Variants in CCSER1 observed in about 807,000 individuals in gnomAD.
The protein encoded by CCSER1 is serine-rich coiled-coil domain-containing protein 1.
Under a neutral mutation model 82.0 loss-of-function variants are expected in CCSER1, and 41 were observed. That is an observed-to-expected ratio of 0.50 (90% CI 0.39 to 0.65). The LOEUF (loss-of-function observed/expected upper bound fraction) is 0.65. CCSER1 is among the 30% of genes least tolerant of loss of function. The probability of loss-of-function intolerance (pLI) is 0.00; values close to 1 mark genes in which losing one functional copy is unlikely to be tolerated. For synonymous variants in CCSER1, 414 were observed against 383.9 expected, an observed-to-expected ratio of 1.08 and a Z score of -0.92; for missense variants, 1,119 against 1,064.2, an observed-to-expected ratio of 1.05 and a Z score of -0.72.
At chr4:91,406,110 G>A (rs147166097) in intron 10 of CCSER1, among the ~76,000 whole-genome samples, 143 of 152,218 alleles carry the variant, frequency 9.4e-4, no homozygotes, top group African/African-American at 3.3e-3. Flanking sequence ...AGAGAAATTT[G>A]TTAACTTGTA....
intron 8 of CCSER1, among the ~76,000 whole-genome samples, chr4:90,899,481 T>C (rs559565384): frequency 9.9e-5 from 15 of 152,228 alleles, no homozygotes; most frequent in South Asian, 4.1e-4. Flanking sequence ...GGACTTCCAG[T>C]ATTATGCTGT....
chr4:91,153,019 G>A (rs1020427258), intron 10 of CCSER1, among the ~76,000 whole-genome samples: 7 of 151,778 alleles, frequency 4.6e-5, no homozygotes, highest in Non-Finnish European at 1.0e-4. Flanking sequence ...GAGTATCTTT[G>A]TGGCGTTCTC....
chr4:91,282,973 C>G (rs538326103), intron 10 of CCSER1, among the ~76,000 whole-genome samples: 28 of 152,042 alleles, frequency 1.8e-4, no homozygotes, highest in Middle Eastern at 3.4e-3. Flanking sequence ...AAGAGCTTTA[C>G]AGAGTAAATG....
chr4:91,011,054 G>C (rs1211654159), intron 9 of CCSER1, among the ~76,000 whole-genome samples: 1 of 134,316 alleles, frequency 7.4e-6, no homozygotes, highest in Non-Finnish European at 1.7e-5. Context: ...AAATTTTACT[G>C]AGTGGCTTTT....
chr4:91,355,701 C>T (rs1748779996), intron 10 of CCSER1, among the ~76,000 whole-genome samples: 1 of 152,188 alleles, frequency 6.6e-6, no homozygotes, highest in South Asian at 2.1e-4. Context: ...GTGGACCAGT[C>T]AGCTTCCGGG....
At chr4:91,344,159 G>A (rs1380959435) in intron 10 of CCSER1, among the ~76,000 whole-genome samples, 2 of 152,274 alleles carry the variant, frequency 1.3e-5, no homozygotes, top group East Asian at 1.9e-4. Context: ...AATGTGATTA[G>A]TGTCCTTATA....
At chr4:90,731,963 T>C (rs1297159607) in intron 7 of CCSER1, among the ~76,000 whole-genome samples, 1 of 151,696 alleles carries the variant, frequency 6.6e-6, no homozygotes, top group East Asian at 1.9e-4. Flanking sequence ...TGAGGTAGAC[T>C]CCCAGGATAA....
chr4:90,727,350 T>C (rs1210241136), intron 7 of CCSER1: 2 of 453,474 alleles, frequency 4.4e-6, no homozygotes, highest in Non-Finnish European at 8.8e-6. Flanking sequence ...AAGTTCAAGA[T>C]CATTAAAGTG....
intron 4 of CCSER1, among the ~76,000 whole-genome samples, chr4:90,412,814 A>G (rs766294366): frequency 6.6e-6 from 1 of 152,200 alleles, no homozygotes; most frequent in African/African-American, 2.4e-5. Context: ...TGAATGGGGA[A>G]AAGTTGAAAG....
chr4:90,194,915 TAA>T (rs1736317944), intron 1 of CCSER1, among the ~76,000 whole-genome samples: 1 of 152,102 alleles, frequency 6.6e-6, no homozygotes, highest in Admixed American at 6.6e-5. Context: ...TGAAGTGTAT[TAA>T]GTTCTGTGAG....
At chr4:90,807,053 C>T (rs1322628111) in intron 7 of CCSER1, among the ~76,000 whole-genome samples, 1 of 151,958 alleles carries the variant, frequency 6.6e-6, no homozygotes, top group Non-Finnish European at 1.5e-5. Flanking sequence ...GAGTTTTTGT[C>T]GTAAGGTGGT....
chr4:90,639,490 A>G (rs1726088112), intron 6 of CCSER1, among the ~76,000 whole-genome samples: 1 of 152,080 alleles, frequency 6.6e-6, no homozygotes, highest in African/African-American at 2.4e-5. Flanking sequence ...TAGAGTCAAC[A>G]TATACTGTGG....
At chr4:91,121,956 C>T (rs1727128471) in intron 10 of CCSER1, among the ~76,000 whole-genome samples, 1 of 151,490 alleles carries the variant, frequency 6.6e-6, no homozygotes, top group Non-Finnish European at 1.5e-5. Flanking sequence ...TCCATTTTAA[C>T]ATATAAAAAG....
intron 10 of CCSER1, among the ~76,000 whole-genome samples, chr4:91,597,067 C>T (rs1356289): frequency 0.69 from 105,089 of 151,712 alleles, 37,092 homozygotes; most frequent in African/African-American, 0.83. Context: ...TTTTTCTGCA[C>T]GTAATTAATT....
At chr4:90,836,438 C>T (rs1031548203) in intron 8 of CCSER1, among the ~76,000 whole-genome samples, 2 of 152,120 alleles carry the variant, frequency 1.3e-5, no homozygotes, top group African/African-American at 4.8e-5. Flanking sequence ...CACCTTTCCC[C>T]CCACTGCCCT....
chr4:90,328,867 A>G (rs958701352), intron 3 of CCSER1, among the ~76,000 whole-genome samples: 7 of 152,176 alleles, frequency 4.6e-5, no homozygotes, highest in Non-Finnish European at 8.8e-5. Flanking sequence ...TTTGACTATG[A>G]CTTTAGAAAA....
At chr4:90,352,095 C>G (rs1293929411) in intron 3 of CCSER1, among the ~76,000 whole-genome samples, 1 of 152,026 alleles carries the variant, frequency 6.6e-6, no homozygotes, top group Non-Finnish European at 1.5e-5. Flanking sequence ...GAGGCCGAGC[C>G]GAGCGGATCA....
chr4:91,517,786 T>TGTG (rs1560732342), intron 10 of CCSER1, among the ~76,000 whole-genome samples: 7,502 of 90,586 alleles, frequency 0.083, 249 homozygotes, highest in Middle Eastern at 0.1. Flanking sequence ...GTGTGTGTGT[T>TGTG]TAACTTTGAT....
intron 8 of CCSER1, among the ~76,000 whole-genome samples, chr4:90,912,319 T>G (rs1157427152): frequency 6.6e-6 from 1 of 152,116 alleles, no homozygotes; most frequent in African/African-American, 2.4e-5. Flanking sequence ...GGCAGCAACA[T>G]TTGCTGTTCA....
Sources: gnomAD v4.1 joint callset for allele counts (sites outside exome capture counted in the v4.1 genomes callset) on GRCh38, gnomAD v4.1.1 for gene constraint, MANE v1.5 for transcripts, NCBI Gene and HGNC (gene_info 2026-07-23, HGNC 2026-07-21) for gene names.